Variants in NIPBL observed in about 807,000 individuals in gnomAD.
The protein encoded by NIPBL is nipped-B-like protein.
A neutral mutation model predicts 321.8 loss-of-function variants in NIPBL; 19 were observed. The observed-to-expected ratio is 0.06, with a 90% CI of 0.04 to 0.09. The LOEUF is 0.09. NIPBL is among the 10% of genes least tolerant of loss of function. The pLI is 1.00. For missense variants in NIPBL, 2,210 were observed against 3,327.0 expected (o/e 0.66, Z 8.26); for synonymous variants, 1,106 against 1,114.1 (o/e 0.99, Z 0.14).
At chr5:37,018,646 A>T (rs994588952) in intron 24 of NIPBL, among the ~76,000 whole-genome samples, 2 of 152,140 alleles carry the variant, frequency 1.3e-5, no homozygotes, top group African/African-American at 4.8e-5. Flanking sequence ...ATTGCCATGT[A>T]TGGCTATGTT....
intron 10 of NIPBL, among the ~76,000 whole-genome samples, chr5:36,989,277 A>G (rs1745195025): frequency 6.6e-6 from 1 of 152,102 alleles, no homozygotes; most frequent in Non-Finnish European, 1.5e-5. Flanking sequence ...TTTTTCTGTC[A>G]CACTTATTTT....
intron 1 of NIPBL, among the ~76,000 whole-genome samples, chr5:36,921,756 G>A (rs1194240222): frequency 6.6e-6 from 1 of 152,106 alleles, no homozygotes; most frequent in Non-Finnish European, 1.5e-5. Flanking sequence ...ATTGATTGTT[G>A]CTTAAAAACT....
intron 21 of NIPBL, among the ~76,000 whole-genome samples, chr5:37,013,956 A>G (rs375519952): frequency 5.9e-5 from 9 of 152,238 alleles, no homozygotes; most frequent in South Asian, 2.1e-4. Context: ...CTGCAATCCC[A>G]GCACCTCGGG....
intron 7 of NIPBL, 164 bp from the exon 8 acceptor site, chr5:36,971,781 T>G: frequency 1.0e-6 from 1 of 979,250 alleles, no homozygotes; most frequent in Non-Finnish European, 1.2e-6. Context: ...ATTTCAATTC[T>G]TCTAAGATAT....
At chr5:36,951,412 A>T (rs1323810385) in intron 1 of NIPBL, among the ~76,000 whole-genome samples, 2 of 152,184 alleles carry the variant, frequency 1.3e-5, no homozygotes, top group African/African-American at 4.8e-5. Context: ...CTGCTTGAAT[A>T]TGGCAGTGTA....
intron 20 of NIPBL, among the ~76,000 whole-genome samples, 180 bp from the exon 21 acceptor site, chr5:37,009,907 A>T (rs1293796950): frequency 6.6e-6 from 1 of 152,244 alleles, no homozygotes; most frequent in Non-Finnish European, 1.5e-5. Flanking sequence ...CAGCATGCAT[A>T]GGCATTTACT....
At chr5:37,036,562 C>A in intron 33 of NIPBL, 75 bp downstream of exon 33, 3 of 545,656 alleles carry the variant, frequency 5.5e-6, no homozygotes, top group South Asian at 3.1e-5. Flanking sequence ...GTAAATTTCT[C>A]ATTTTTGCCT....
At chr5:36,937,995 A>T (rs1321234237) in intron 1 of NIPBL, among the ~76,000 whole-genome samples, 1 of 152,152 alleles carries the variant, frequency 6.6e-6, no homozygotes, top group Admixed American at 6.6e-5. Context: ...AATAGATTGC[A>T]TTAATAGCAC....
chr5:37,046,980 A>T (rs150320052), intron 38 of NIPBL, among the ~76,000 whole-genome samples: 46 of 152,242 alleles, frequency 3.0e-4, no homozygotes, highest in African/African-American at 1.1e-3. Context: ...AATACTGAGA[A>T]AAAAAAATTA....
intron 21 of NIPBL, 30 bp downstream of exon 21, chr5:37,010,255 G>C: frequency 6.7e-7 from 1 of 1,503,148 alleles, no homozygotes; most frequent in Non-Finnish European, 9.3e-7. Flanking sequence ...TTTTACAACT[G>C]TACTTTTATT....
At chr5:36,925,985 G>T (rs1017585896) in intron 1 of NIPBL, among the ~76,000 whole-genome samples, 1 of 151,814 alleles carries the variant, frequency 6.6e-6, no homozygotes, top group Non-Finnish European at 1.5e-5. Flanking sequence ...TCTCATTTTC[G>T]TACCCATTCT....
chr5:37,009,003 C>T (rs142759899), intron 20 of NIPBL, among the ~76,000 whole-genome samples: 4 of 152,278 alleles, frequency 2.6e-5, no homozygotes, highest in Non-Finnish European at 5.9e-5. Context: ...GCATAGCTGT[C>T]TAGTGGAATA....
chr5:36,975,638 C>T (rs571485444), intron 8 of NIPBL, 138 bp from the exon 9 acceptor site: 59 of 837,380 alleles, frequency 7.0e-5, no homozygotes, highest in African/African-American at 6.1e-4. Flanking sequence ...TTTCATCTTT[C>T]GTAAATAAGT....
At chr5:36,993,357 T>G (rs1329814504) in intron 10 of NIPBL, among the ~76,000 whole-genome samples, 2 of 152,234 alleles carry the variant, frequency 1.3e-5, no homozygotes, top group African/African-American at 4.8e-5. Context: ...TAATTGATAG[T>G]ATTCTTGTTA....
chr5:36,920,798 C>T (rs1414122291), intron 1 of NIPBL, among the ~76,000 whole-genome samples: 1 of 151,708 alleles, frequency 6.6e-6, no homozygotes, highest in Non-Finnish European at 1.5e-5. Context: ...TATCTGTCAC[C>T]TTACATATCT....
intron 1 of NIPBL, among the ~76,000 whole-genome samples, chr5:36,945,137 G>A (rs1456579967): frequency 3.3e-5 from 5 of 152,068 alleles, no homozygotes; most frequent in Admixed American, 3.3e-4. Context: ...ATTCATAGAC[G>A]CGCTTGGAAA....
At position 37,060,952 on chromosome 5, in the gene NIPBL, G is replaced by A; in HGVS notation, c.7794G>A (p.Arg2598=). The change falls in exon 45 of 47, where the codon CGG becomes CGA. Residue 2598 remains arginine (R), a synonymous_variant. Coordinates refer to ENST00000282516, the MANE Select transcript of NIPBL (RefSeq NM_133433.4). ...CAAAACAAACACTGGACTTCCTGCG[G>A]AGTGACATGGCTAATTCCAAAATCA... The part of the protein sequence containing the change: ...FHPKQTLDFL[R]SDMANSKITE... The A allele has an allele frequency of 2.5e-6, 4 of 1,614,126 alleles. No individual in the cohort carries two copies. Among genetic ancestry groups the A allele is most frequent in the Non-Finnish European group, 2.5e-6 (3 of 1,179,996 alleles).
chr5:37,021,239 C>G (rs971107686), intron 27 of NIPBL, among the ~76,000 whole-genome samples: 1 of 152,108 alleles, frequency 6.6e-6, no homozygotes, highest in Non-Finnish European at 1.5e-5. Flanking sequence ...GTGGAAGTTG[C>G]AGTGAGCCGA....
chr5:36,893,379 A>G (rs1746492963), intron 1 of NIPBL, among the ~76,000 whole-genome samples: 1 of 152,242 alleles, frequency 6.6e-6, no homozygotes. Flanking sequence ...TGACCAGGTG[A>G]CATACTGCCA....
Sources: gnomAD v4.1 joint callset for allele counts (sites outside exome capture counted in the v4.1 genomes callset) on GRCh38, gnomAD v4.1.1 for gene constraint, MANE v1.5 for transcripts, NCBI Gene and HGNC (gene_info 2026-07-23, HGNC 2026-07-21) for gene names.